The following TFB1M variants were observed in gnomAD, a reference collection of about 807,000 sequenced individuals.
The protein encoded by TFB1M is dimethyladenosine transferase 1, mitochondrial.
Under a neutral mutation model 31.1 loss-of-function variants are expected in TFB1M, and 27 were observed. That is an observed-to-expected ratio of 0.87 (90% CI 0.64 to 1.20). The LOEUF (loss-of-function observed/expected upper bound fraction) is 1.20. TFB1M is among the 50% of genes most tolerant of loss of function. The probability of loss-of-function intolerance (pLI) is 0.00; values close to 1 mark genes in which losing one functional copy is unlikely to be tolerated. For synonymous variants in TFB1M, 166 were observed against 151.8 expected (o/e 1.09, Z -0.69); for missense variants, 394 against 418.7 (o/e 0.94, Z 0.51).
At chr6:155,283,980 C>G (rs1776506545) in intron 5 of TFB1M, among the ~76,000 whole-genome samples, 1 of 152,164 alleles carries the variant, frequency 6.6e-6, no homozygotes, top group African/African-American at 2.4e-5. Flanking sequence ...TCTAATTATT[C>G]TAGGAGAAGT....
chr6:155,236,695 T>C, the TFB1M span, among the ~76,000 whole-genome samples: 4 of 152,114 alleles, frequency 2.6e-5, no homozygotes, highest in Non-Finnish European at 5.9e-5. Flanking sequence ...AGTCATATCT[T>C]ACGTGGATGG....
chr6:155,288,879 G>A (rs1776781417), intron 4 of TFB1M, among the ~76,000 whole-genome samples: 2 of 152,096 alleles, frequency 1.3e-5, no homozygotes, highest in Admixed American at 6.5e-5. Flanking sequence ...TGTGATAGAT[G>A]TACTATTGGG....
At chr6:155,281,822 A>T (rs1294590484) in intron 5 of TFB1M, among the ~76,000 whole-genome samples, 1 of 12,750 alleles carries the variant, frequency 7.8e-5, no homozygotes, top group African/African-American at 1.5e-4. Context: ...CATAATTCAT[A>T]AAAAAAAAGA....
At chr6:155,284,911 T>C (rs566500697) in intron 5 of TFB1M, among the ~76,000 whole-genome samples, 5 of 152,236 alleles carry the variant, frequency 3.3e-5, no homozygotes, top group Non-Finnish European at 7.3e-5. Flanking sequence ...ATGAAGATGA[T>C]GAATGATACT....
chr6:155,231,030 TG>T, the TFB1M span, among the ~76,000 whole-genome samples: 3 of 151,258 alleles, frequency 2.0e-5, no homozygotes, highest in African/African-American at 7.3e-5. Flanking sequence ...TTAGTAGAGA[TG>T]GGGTTTCACC....
chr6:155,250,454 T>C, the TFB1M span: 1 of 1,141,286 alleles, frequency 8.8e-7, no homozygotes, highest in Non-Finnish European at 1.2e-6. Context: ...TAGCATAGTT[T>C]AGGGAGAAAA....
chr6:155,251,808 T>G, downstream of TFB1M: 1 of 678,656 alleles, frequency 1.5e-6, no homozygotes, highest in Non-Finnish European at 2.6e-6. Context: ...TACCATTTAT[T>G]CACTCATGTT....
the TFB1M span, among the ~76,000 whole-genome samples, chr6:155,242,170 G>A: frequency 9.8e-5 from 15 of 152,290 alleles, no homozygotes; most frequent in Middle Eastern, 3.4e-3. Flanking sequence ...GCAGCTCTGC[G>A]CGGACCTGAT....
chr6:155,264,554 T>C (rs778853230), intron 5 of TFB1M, among the ~76,000 whole-genome samples: 2 of 152,236 alleles, frequency 1.3e-5, no homozygotes, highest in Non-Finnish European at 2.9e-5. Flanking sequence ...TCCTAAAGTT[T>C]ACAATTTGTG....
intron 1 of TFB1M, 40 bp downstream of exon 1, chr6:155,314,256 C>T (rs1374847870): frequency 6.2e-7 from 1 of 1,610,134 alleles, no homozygotes; most frequent in South Asian, 1.1e-5. Context: ...CCCCCACGGA[C>T]ACTGGGGAGA....
At position 155,262,452 on chromosome 6, in the gene TFB1M, C is replaced by T. The variant is rs151301094; in HGVS notation, c.667-2052G>A. Among the ~76,000 whole-genome samples, 39 of 152,234 alleles carry T rather than the reference C, an allele frequency of 2.6e-4. No homozygotes were observed. In the East Asian group the frequency reaches 4.4e-3, roughly 17 times the overall value. On this transcript the variant is annotated intron_variant, in intron 5 of 6. Coordinates refer to ENST00000367166, the MANE Select transcript of TFB1M (RefSeq NM_016020.4). ...TGGACTCTCCATTTCCCTTTCATCC[C>T]CTGAGCTTCCTGGCACCCTTGTCCC...
the TFB1M span, chr6:155,243,872 AAAAAAG>A: frequency 1.6e-4 from 93 of 570,756 alleles, no homozygotes; most frequent in South Asian, 5.1e-4. Flanking sequence ...AAAAAAAAAA[AAAAAAG>A]AATTTCAACA....
At chr6:155,276,346 C>T in intron 5 of TFB1M, 1 of 1,613,286 alleles carries the variant, frequency 6.2e-7, no homozygotes, top group Non-Finnish European at 8.5e-7. Flanking sequence ...AGCTCGAGAA[C>T]AATTCCACAC....
rs527268676 is a variant in TFB1M, at chr6:155,258,145, C to T, written c.795-63G>A. On this transcript the variant is annotated intron_variant, in intron 6 of 6. Coordinates refer to ENST00000367166, the MANE Select transcript of TFB1M (RefSeq NM_016020.4). ...TACTTAAATTCTGCAAATCATGACA[C>T]TTTTTAACCCTCATTTGAAAACAAC... 1.6e-5 allele frequency: 25 copies of T among 1,580,974 alleles called. No individual in the cohort carries two copies. In the South Asian group the frequency reaches 1.8e-4, roughly 11 times the overall value.
chr6:155,245,763 T>TTTTTG, the TFB1M span: 1 of 1,459,302 alleles, frequency 6.9e-7, no homozygotes, highest in Non-Finnish European at 9.3e-7. Flanking sequence ...TAGTTTTTTT[T>TTTTTG]TTTTTTTGCA....
intron 4 of TFB1M, among the ~76,000 whole-genome samples, chr6:155,296,452 G>A (rs1023378063): frequency 2.0e-4 from 10 of 49,618 alleles, no homozygotes; most frequent in African/African-American, 6.9e-4. Context: ...TTTTTTTTTT[G>A]TATTTTTAGT....
In TFB1M at chr6:155,296,976, T is replaced by C. The variant is rs777699517; in HGVS notation, c.523A>G (p.Thr175Ala). 1.9e-6 allele frequency: 3 copies of C among 1,613,984 alleles called. No homozygotes were observed. The Admixed American group carries it at 5.0e-5, about 27-fold the overall frequency. The change falls in exon 4 of 7, where the codon ACT becomes GCT. Residue 175 changes from threonine to alanine, a missense_variant. Thr to Ala is a moderately conservative substitution (Grantham distance 58). Coordinates refer to ENST00000367166, the MANE Select transcript of TFB1M (RefSeq NM_016020.4). ...ACCTCTGCCACTTCCTTTTGAAAAGTCAAAGTCATCTGAGTTCTGCCATAA... is the reference window on the plus strand; with the variant it reads ...ACCTCTGCCACTTCCTTTTGAAAAGCCAAAGTCATCTGAGTTCTGCCATAA... ...FVYGRTQMTL[T>A]FQKEVAERLA...
At chr6:155,237,586 G>C in the TFB1M span, among the ~76,000 whole-genome samples, 1 of 152,242 alleles carries the variant, frequency 6.6e-6, no homozygotes. Flanking sequence ...TGGACATCCA[G>C]GCATTTCCAT....
the TFB1M span, among the ~76,000 whole-genome samples, chr6:155,230,836 C>CT: frequency 0.26 from 36,269 of 140,960 alleles, 5,372 homozygotes; most frequent in East Asian, 0.54. Flanking sequence ...GGCAGAGCTA[C>CT]TTTTTTTTTT....
Sources: allele counts gnomAD v4.1 joint callset (sites outside exome capture counted in the v4.1 genomes callset), GRCh38; gene constraint gnomAD v4.1.1; transcripts MANE v1.5; gene names NCBI Gene and HGNC (gene_info 2026-07-23, HGNC 2026-07-21).